The following ROBO1 variants were observed in gnomAD, a reference collection of about 807,000 sequenced individuals.
ROBO1 encodes the protein roundabout guidance receptor 1.
A neutral mutation model predicts 195.9 loss-of-function variants in ROBO1; 149 were observed. The ratio of observed to expected loss-of-function variants is 0.76; its 90% CI spans 0.67 to 0.87. The LOEUF (loss-of-function observed/expected upper bound fraction) is 0.87, where lower values mean the gene tolerates loss of function less well. Among genes scored for constraint, ROBO1 ranks in the 40% least tolerant of loss-of-function variants. The probability of loss-of-function intolerance (pLI) is 0.00; values close to 1 mark genes in which losing one functional copy is unlikely to be tolerated. For missense variants in ROBO1, 1,933 were observed against 2,068.3 expected, an observed-to-expected ratio of 0.93 and a Z score of 1.27; for synonymous variants, 816 against 733.2, an observed-to-expected ratio of 1.11 and a Z score of -1.82.
At chr3:79,575,283 T>C (rs868122117) in intron 2 of ROBO1, among the ~76,000 whole-genome samples, 1 of 120,190 alleles carries the variant, frequency 8.3e-6, no homozygotes, top group African/African-American at 3.3e-5. Context: ...AATATATATA[T>C]AAATATATAT....
intron 3 of ROBO1, among the ~76,000 whole-genome samples, chr3:78,964,125 AT>A: frequency 6.6e-6 from 1 of 152,130 alleles, no homozygotes; most frequent in Non-Finnish European, 1.5e-5. Flanking sequence ...CCCTGTCTTT[AT>A]CTTTACATGG....
chr3:78,620,391 A>G (rs1704382062), intron 26 of ROBO1, among the ~76,000 whole-genome samples: 1 of 152,094 alleles, frequency 6.6e-6, no homozygotes, highest in African/African-American at 2.4e-5. Flanking sequence ...AGACACCTGT[A>G]ATCCCAGCTA....
At chr3:79,537,965 C>T (rs1353607494) in intron 2 of ROBO1, among the ~76,000 whole-genome samples, 1 of 151,934 alleles carries the variant, frequency 6.6e-6, no homozygotes, top group Non-Finnish European at 1.5e-5. Flanking sequence ...AAAATAATTG[C>T]AAAAATGTTT....
At chr3:78,763,867 C>T (rs905947455) in intron 4 of ROBO1, among the ~76,000 whole-genome samples, 11 of 152,152 alleles carry the variant, frequency 7.2e-5, no homozygotes, top group Admixed American at 1.3e-4. Context: ...CTGTACATAC[C>T]GGAATTTAAA....
At chr3:78,718,015 T>C in intron 5 of ROBO1, 132 bp from the exon 6 acceptor site, 3 of 820,714 alleles carry the variant, frequency 3.7e-6, no homozygotes, top group Non-Finnish European at 5.7e-6. Context: ...AGCTGATATG[T>C]AGTATTTGCT....
At chr3:78,782,337 T>C (rs1047573195) in intron 4 of ROBO1, among the ~76,000 whole-genome samples, 6 of 151,774 alleles carry the variant, frequency 4.0e-5, no homozygotes, top group Non-Finnish European at 8.8e-5. Context: ...GCTGGGATTA[T>C]AGGCACCCAC....
At chr3:79,357,357 T>G (rs1021521660) in intron 2 of ROBO1, among the ~76,000 whole-genome samples, 11 of 152,094 alleles carry the variant, frequency 7.2e-5, no homozygotes, top group African/African-American at 2.7e-4. Flanking sequence ...TAGATGTCCA[T>G]CCCATGAGCA....
intron 3 of ROBO1, among the ~76,000 whole-genome samples, chr3:79,057,553 T>C (rs1319153102): frequency 1.3e-5 from 2 of 151,978 alleles, no homozygotes; most frequent in African/African-American, 2.4e-5. Flanking sequence ...ATCTAACTAA[T>C]CCCACCTCTC....
chr3:79,346,794 T>A (rs1461265692), intron 2 of ROBO1, among the ~76,000 whole-genome samples: 1 of 151,926 alleles, frequency 6.6e-6, no homozygotes, highest in African/African-American at 2.4e-5. Context: ...ACTGATCATG[T>A]TGTAAAATAA....
At chr3:78,964,801 G>GTTT (rs146761550) in intron 3 of ROBO1, among the ~76,000 whole-genome samples, 4 of 143,626 alleles carry the variant, frequency 2.8e-5, no homozygotes, top group Non-Finnish European at 6.1e-5. Context: ...CAAGCTTAGG[G>GTTT]TTTTTTTTTT....
intron 4 of ROBO1, among the ~76,000 whole-genome samples, chr3:78,895,767 A>C (rs772308550): frequency 5.9e-5 from 9 of 152,218 alleles, no homozygotes; most frequent in Non-Finnish European, 8.8e-5. Flanking sequence ...CTTTTGGACC[A>C]AAAGCCATTT....
intron 3 of ROBO1, among the ~76,000 whole-genome samples, chr3:79,042,266 T>C (rs994847009): frequency 2.6e-5 from 4 of 152,072 alleles, no homozygotes; most frequent in African/African-American, 7.2e-5. Flanking sequence ...TATACATACA[T>C]ACACACACAC....
intron 2 of ROBO1, among the ~76,000 whole-genome samples, chr3:79,311,099 C>A (rs1310536389): frequency 1.3e-5 from 2 of 152,122 alleles, no homozygotes; most frequent in South Asian, 2.1e-4. Context: ...ATCTGGACAG[C>A]ATTTTGATAA....
At chr3:79,664,750 T>C (rs911570532) in intron 1 of ROBO1, among the ~76,000 whole-genome samples, 1 of 151,946 alleles carries the variant, frequency 6.6e-6, no homozygotes, top group African/African-American at 2.4e-5. Flanking sequence ...ATGTCCTCTA[T>C]GCCCTGACAT....
chr3:79,209,800 A>G (rs1351548139), intron 2 of ROBO1, among the ~76,000 whole-genome samples: 1 of 152,166 alleles, frequency 6.6e-6, no homozygotes, highest in African/African-American at 2.4e-5. Flanking sequence ...CTAAAGACTC[A>G]TCCGAAAAGC....
At chr3:78,977,729 A>G (rs1459393724) in intron 3 of ROBO1, among the ~76,000 whole-genome samples, 1 of 152,014 alleles carries the variant, frequency 6.6e-6, no homozygotes, top group Non-Finnish European at 1.5e-5. Flanking sequence ...CCACAATGTT[A>G]GTGTCACACA....
At chr3:79,570,417 A>T (rs1470506504) in intron 2 of ROBO1, among the ~76,000 whole-genome samples, 1 of 152,186 alleles carries the variant, frequency 6.6e-6, no homozygotes, top group African/African-American at 2.4e-5. Flanking sequence ...GCACTCTCAC[A>T]TCCTCAAATA....
chr3:79,303,279 G>A (rs757582021), intron 2 of ROBO1, among the ~76,000 whole-genome samples: 2 of 147,372 alleles, frequency 1.4e-5, no homozygotes, highest in African/African-American at 5.0e-5. Context: ...TGATTCTCCT[G>A]CCTCAGCCTC....
At chr3:79,693,668 C>A (rs1346944875) in intron 1 of ROBO1, among the ~76,000 whole-genome samples, 2 of 151,550 alleles carry the variant, frequency 1.3e-5, no homozygotes, top group Admixed American at 1.3e-4. Flanking sequence ...AAACTCCTGG[C>A]CTTGAACAAT....
Sources: allele counts gnomAD v4.1 joint callset (sites outside exome capture counted in the v4.1 genomes callset), GRCh38; gene constraint gnomAD v4.1.1; transcripts MANE v1.5; gene names NCBI Gene and HGNC (gene_info 2026-07-23, HGNC 2026-07-21).